The following KIF26A variants were observed in gnomAD, a reference collection of about 807,000 sequenced individuals.
KIF26A encodes the protein kinesin family member 26A.
KIF26A carries 74 observed loss-of-function variants against 126.0 expected under a neutral mutation model. That is an observed-to-expected ratio of 0.59 (90% confidence interval 0.49 to 0.71). The LOEUF is 0.71. Among genes scored for constraint, KIF26A ranks in the 30% least tolerant of loss-of-function variants. The pLI is 0.00. For synonymous variants in KIF26A, 1,445 were observed against 1,232.7 expected (o/e 1.17, Z -3.61); for missense variants, 2,984 against 2,763.3 (o/e 1.08, Z -1.79).
At chr14:104,172,893 C>T in intron 7 of KIF26A, 84 bp from the exon 8 acceptor site, 1 of 1,446,510 alleles carries the variant, frequency 6.9e-7, no homozygotes. Context: ...TCTCGGTGCC[C>T]CTGGTTGGCC....
intron 3 of KIF26A, among the ~76,000 whole-genome samples, chr14:104,155,069 T>G (rs150345350): frequency 6.6e-6 from 1 of 152,286 alleles, no homozygotes; most frequent in African/African-American, 2.4e-5. Context: ...GTCCGCCCCA[T>G]GGGGCTCTGC....
chr14:104,164,975 GTC>G (rs1292839485), intron 4 of KIF26A, among the ~76,000 whole-genome samples: 1 of 151,650 alleles, frequency 6.6e-6, no homozygotes, highest in East Asian at 1.9e-4. Context: ...CTATGTGTGC[GTC>G]TCTGTGTGTG....
rs767863454 is a variant in KIF26A, at chr14:104,139,124, C to A, written c.124C>A (p.Gln42Lys). 4.2e-5 allele frequency: 64 copies of A among 1,507,380 alleles called. No homozygotes were observed. The highest frequency in any genetic ancestry group is 5.5e-5 in the Non-Finnish European group (62 of 1,129,088). The allele number at this position is 1,507,380 out of a possible 1,614,324, so 93.4% of individuals were successfully genotyped here. ...AAAGAGGCTACCCGCCGGGCCCGAC[C>A]AGGACCCATGCGGCAGCCGCCCTGC... ...PRKRLPAGPD[Q>K]DPCGSRPAPE... The change falls in exon 2 of 15, where the codon CAG becomes AAG. Residue 42 changes from glutamine (Q) to lysine (K), a missense_variant. Physicochemically the swap from Gln to Lys is moderately conservative, Grantham distance 53 (BLOSUM62 1). Transcript: ENST00000423312.
chr14:104,163,366 G>A (rs571058447), intron 4 of KIF26A, among the ~76,000 whole-genome samples: 1 of 152,332 alleles, frequency 6.6e-6, no homozygotes, highest in East Asian at 1.9e-4. Context: ...GTGGACAGAC[G>A]CACAGACACA....
At chr14:104,157,338 G>T (rs189242182) in intron 3 of KIF26A, among the ~76,000 whole-genome samples, 3 of 152,288 alleles carry the variant, frequency 2.0e-5, no homozygotes, top group African/African-American at 4.8e-5. Flanking sequence ...TAATTACGCC[G>T]CTGGGTGCTC....
rs144033929 is a variant in KIF26A at position 104,170,403 on chromosome 14, C to G, written c.1114-1320C>G. On this transcript the variant is annotated intron_variant, in intron 5 of 14. Coordinates refer to ENST00000423312, the MANE Select transcript of KIF26A (RefSeq NM_015656.2). ...CCCCGGAGAGCGGGCACTCCCGACT[C>G]CAGCGGCTTGCATATCAATGTGCCC... Among the ~76,000 whole-genome samples the G allele has an allele frequency of 1.2e-3, 189 of 152,344 alleles. No individual in the cohort carries two copies. The Middle Eastern group carries it at 0.024, about 19-fold the overall frequency.
chr14:104,159,025 G>A (rs536677114), intron 4 of KIF26A, among the ~76,000 whole-genome samples: 89 of 152,350 alleles, frequency 5.8e-4, no homozygotes, highest in African/African-American at 2.1e-3. Flanking sequence ...TGGGGACCGT[G>A]TGGTCTGATT....
At chr14:104,164,956 T>C (rs1385548534) in intron 4 of KIF26A, among the ~76,000 whole-genome samples, 1 of 151,906 alleles carries the variant, frequency 6.6e-6, no homozygotes, top group African/African-American at 2.4e-5. Context: ...TCTGTATGCA[T>C]ATGTGTCTCT....
rs1311546028 is a variant in KIF26A, at chr14:104,151,880, A to C, written c.289-135A>C. On this transcript the variant is annotated intron_variant, in intron 2 of 14. Transcript: ENST00000423312. The surrounding 1 kb of genome is among the most constrained non-coding windows in gnomAD (Gnocchi z 4.9). ...TGTGTGGGTGAAAGTGTTTGGGCTTATTAATCTGTTACGGATGGTGCGGTG... is the reference window on the plus strand; with the variant it reads ...TGTGTGGGTGAAAGTGTTTGGGCTTCTTAATCTGTTACGGATGGTGCGGTG... 2 of 702,272 alleles carry C rather than the reference A, an allele frequency of 2.8e-6. No individual in the cohort carries two copies. The allele number at this position is 702,272 out of a possible 1,614,324, so 43.5% of individuals were successfully genotyped here.
chr14:104,166,877 C>A lies in KIF26A; in HGVS notation c.942C>A (p.Ser314Arg). Residue 314 changes from serine (S) to arginine (R), a missense_variant, in exon 5 of 15, where the codon AGC becomes AGA. Transcript: ENST00000423312. ...TCCCCAGGGCTATGCAGAAGCTCAG[C>A]CTGGCCTCCAAGAGGAAGAAGCCCC... ...SFFIRAMQKLSLASKRKKPHP... is the reference protein window; with the variant it reads ...SFFIRAMQKLRLASKRKKPHP... 6.3e-7 allele frequency: 1 copy of A among 1,579,722 alleles called. No individual in the cohort carries two copies. The highest frequency in any genetic ancestry group is 8.6e-7 in the Non-Finnish European group (1 of 1,163,994).
chr14:104,175,634 C>T lies in KIF26A; in HGVS notation c.2846C>T (p.Pro949Leu), dbSNP rs757152935. 23 of 1,610,796 alleles carry T rather than the reference C, an allele frequency of 1.4e-5. No individual in the cohort carries two copies. The highest frequency in any genetic ancestry group is 1.9e-5 in the Non-Finnish European group (22 of 1,179,566). Residue 949 changes from proline to leucine, a missense_variant, in exon 12 of 15, where the codon CCC (proline) becomes CTC (leucine). Pro to Leu is a moderately conservative substitution (Grantham distance 98). Transcript: ENST00000423312. ...GTGAGTGGAGGCAGGAGGCCACTGC[C>T]CAGCCCGGCTCCCCCACCTCCTCAG... ...AAVSGGRRPLPSPAPPPPQLL... is the reference protein window; with the variant it reads ...AAVSGGRRPLLSPAPPPPQLL...
At chr14:104,138,929 G>C in intron 1 of KIF26A, 114 bp from the exon 2 acceptor site, 1 of 1,281,180 alleles carries the variant, frequency 7.8e-7, no homozygotes, top group Non-Finnish European at 9.9e-7. Flanking sequence ...CGCCAGGGTC[G>C]TGCCCAGGGC....
chr14:104,170,117 G>A (rs561845339), intron 5 of KIF26A, among the ~76,000 whole-genome samples: 10 of 152,296 alleles, frequency 6.6e-5, no homozygotes, highest in Admixed American at 5.9e-4. Context: ...GCCAAACCGT[G>A]AGCCTCTCCA....
At position 104,174,143 on chromosome 14, in the gene KIF26A, C is replaced by T. The variant is rs568698093; in HGVS notation, c.2031-5C>T. The T allele has an allele frequency of 4.5e-6, 7 of 1,558,656 alleles. No individual in the cohort carries two copies. The highest frequency in any genetic ancestry group is 1.8e-5 in the Admixed American group (1 of 54,902). On this transcript the variant is annotated splice_region_variant and splice_polypyrimidine_tract_variant and intron_variant, in intron 10 of 14. Coordinates refer to ENST00000423312, the MANE Select transcript of KIF26A (RefSeq NM_015656.2). ...CCTTGGCATCTGAACCGCCTCGACC[C>T]GCAGGGACCACAGGCTCACCATGCT...
In KIF26A at chr14:104,152,187, C is replaced by T. The variant is rs1261802644; in HGVS notation, c.461C>T (p.Ala154Val). Residue 154 changes from alanine (A) to valine (V), a missense_variant, in exon 3 of 15, where the codon GCC (alanine) becomes GTC (valine). Coordinates refer to ENST00000423312, the MANE Select transcript of KIF26A (RefSeq NM_015656.2). The surrounding 1 kb of genome is among the most constrained non-coding windows in gnomAD (Gnocchi z 5.9). ...QAPASHEDLD[A>V]PHGGPSLAPP... The stretch of plus-strand genomic sequence containing the variant: ...CCTGCCAGCCATGAGGACCTTGACG[C>T]CCCCCATGGAGGCCCCAGCCTCGCA... 5.0e-6 allele frequency: 8 copies of T among 1,606,996 alleles called. No individual in the cohort carries two copies. Among genetic ancestry groups the T allele is most frequent in the Non-Finnish European group, 6.8e-6 (8 of 1,178,022 alleles).
rs950206467 is a variant in KIF26A at position 104,178,576 on chromosome 14, G to A, written c.5137G>A (p.Ala1713Thr). 3.2e-5 allele frequency: 47 copies of A among 1,490,190 alleles called. No individual in the cohort carries two copies. The highest frequency in any genetic ancestry group is 6.5e-5 in the South Asian group (5 of 77,286). The allele number at this position is 1,490,190 out of a possible 1,614,324, so 92.3% of individuals were successfully genotyped here. Residue 1713 changes from alanine to threonine, a missense_variant, in exon 13 of 15, where the codon GCC (alanine) becomes ACC (threonine). Ala to Thr is a moderately conservative substitution (Grantham distance 58). Transcript: ENST00000423312. ...TCTGCAGCGGCGGCGCCTGATTCCC[G>A]CCCCACTGCCCGACACCACTGCCCT... The part of the protein sequence containing the change: ...TGLQRRRLIP[A>T]PLPDTTALGR...
Position 104,152,434 on chromosome 14 carries a change from C to A in KIF26A, c.708C>A (p.Val236=). Residue 236 remains valine, a synonymous_variant, in exon 3 of 15, where the codon GTC becomes GTA. Coordinates refer to ENST00000423312, the MANE Select transcript of KIF26A (RefSeq NM_015656.2). This position sits in a 1 kb window ranked among gnomAD's most constrained non-coding sequence, Gnocchi z 5.9. ...AGGGCATGTGGAGTGTCTCGCGGGT[C>A]AACAGCTTCCTCCCGCCGGCGTGCC... ...CLEGMWSVSR[V]NSFLPPACLA... 6.3e-7 allele frequency: 1 copy of A among 1,589,782 alleles called. No homozygotes were observed. The highest frequency in any genetic ancestry group is 1.3e-5 in the African/African-American group (1 of 74,430).
intron 4 of KIF26A, among the ~76,000 whole-genome samples, 192 bp downstream of exon 4, chr14:104,158,134 G>A (rs1055457672): frequency 2.6e-5 from 4 of 152,236 alleles, no homozygotes; most frequent in Non-Finnish European, 5.9e-5. Flanking sequence ...CCCCATGCCC[G>A]ATGTTGGGGG....
chr14:104,148,410 C>T lies in KIF26A; in HGVS notation c.289-3605C>T, dbSNP rs1483650466. On this transcript the variant is annotated intron_variant, in intron 2 of 14. Transcript: ENST00000423312. This position sits in a 1 kb window ranked among gnomAD's most constrained non-coding sequence, Gnocchi z 4.3. Reference sequence around the variant, plus strand: ...TCGCAGTGGAGTAATTACTGTCTTCCTCAAGACACCAGGCTGTGGAGGCCT... The same window carrying T: ...TCGCAGTGGAGTAATTACTGTCTTCTTCAAGACACCAGGCTGTGGAGGCCT... Among the ~76,000 whole-genome samples the T allele has an allele frequency of 6.6e-6, 1 of 152,148 alleles. No individual in the cohort carries two copies. The highest frequency in any genetic ancestry group is 1.9e-4 in the East Asian group (1 of 5,182).
Sources: allele counts gnomAD v4.1 joint callset (sites outside exome capture counted in the v4.1 genomes callset), GRCh38; gene constraint gnomAD v4.1.1; non-coding constraint Gnocchi (gnomAD v3.1); transcripts MANE v1.5; gene names NCBI Gene and HGNC (gene_info 2026-07-23, HGNC 2026-07-21).